Variants in PPARGC1A observed in about 807,000 individuals in gnomAD.
PPARGC1A encodes PPARG coactivator 1 alpha.
In PPARGC1A, 25 loss-of-function variants were observed where a neutral mutation model predicts 88.7. The ratio of observed to expected loss-of-function variants is 0.28; its 90% CI spans 0.21 to 0.39. PPARGC1A has a LOEUF of 0.39. Ranked by LOEUF, PPARGC1A falls within the 10% of genes least tolerant of loss-of-function variation. PPARGC1A has a pLI of 1.00. For synonymous variants in PPARGC1A, 363 were observed against 355.6 expected, an observed-to-expected ratio of 1.02 and a Z score of -0.24; for missense variants, 880 against 968.7, an observed-to-expected ratio of 0.91 and a Z score of 1.22.
the PPARGC1A span, among the ~76,000 whole-genome samples, chr4:24,305,639 C>G: frequency 6.6e-6 from 1 of 152,012 alleles, no homozygotes; most frequent in Non-Finnish European, 1.5e-5. Context: ...ATGGAGACAC[C>G]CTATCTCTAC....
At chr4:24,045,882 T>C in the PPARGC1A span, among the ~76,000 whole-genome samples, 1 of 152,112 alleles carries the variant, frequency 6.6e-6, no homozygotes, top group African/African-American at 2.4e-5. Context: ...CTACATCACA[T>C]AGCCCAATCA....
At chr4:24,028,634 GCTC>G in the PPARGC1A span, among the ~76,000 whole-genome samples, 2 of 152,228 alleles carry the variant, frequency 1.3e-5, no homozygotes, top group South Asian at 4.1e-4. Flanking sequence ...TGCAATACTG[GCTC>G]CTCATCTCAC....
the PPARGC1A span, among the ~76,000 whole-genome samples, chr4:24,359,310 C>A: frequency 6.6e-6 from 1 of 152,336 alleles, no homozygotes; most frequent in South Asian, 2.1e-4. Context: ...CTCTTCAGAA[C>A]ATACACACTT....
chr4:24,186,063 T>C, the PPARGC1A span, among the ~76,000 whole-genome samples: 1 of 152,148 alleles, frequency 6.6e-6, no homozygotes, highest in African/African-American at 2.4e-5. Context: ...TGAATGTTCA[T>C]GAATTTGTGG....
chr4:23,813,081 T>C lies in PPARGC1A; in HGVS notation c.1838A>G (p.His613Arg), dbSNP rs781513430. 6.8e-6 allele frequency: 11 copies of C among 1,614,074 alleles called. No homozygotes were observed. Among genetic ancestry groups the C allele is most frequent in the Non-Finnish European group, 9.3e-6 (11 of 1,179,966 alleles). ...YESSHYRHRTHRNSPLYVRSR... is the reference protein window; with the variant it reads ...YESSHYRHRTRRNSPLYVRSR... ...TCTCACATACAAGGGAGAATTTCGG[T>C]GCGTGCGGTGTCTGTAGTGGCTTGA... The change falls in exon 9 of 13, where the codon CAC becomes CGC. Residue 613 changes from histidine to arginine, a missense_variant. Physicochemically the swap from His to Arg is conservative, Grantham distance 29 (BLOSUM62 0). Coordinates refer to ENST00000264867, the MANE Select transcript of PPARGC1A (RefSeq NM_013261.5).
chr4:24,304,297 C>G, the PPARGC1A span, among the ~76,000 whole-genome samples: 5 of 152,184 alleles, frequency 3.3e-5, no homozygotes, highest in African/African-American at 7.2e-5. Context: ...GGCCCCCAGA[C>G]TTGTTATAAC....
the PPARGC1A span, among the ~76,000 whole-genome samples, chr4:23,981,919 C>G: frequency 1.9e-4 from 29 of 151,734 alleles, 1 homozygote; most frequent in East Asian, 5.7e-3. Flanking sequence ...GTAACTGAAT[C>G]GAAGAAAAGA....
At chr4:23,910,645 G>A in the PPARGC1A span, among the ~76,000 whole-genome samples, 537 of 150,214 alleles carry the variant, frequency 3.6e-3, 3 homozygotes, top group Admixed American at 6.5e-3. Context: ...TCACCATATT[G>A]GCCATGCTGG....
At chr4:24,043,161 T>A in the PPARGC1A span, among the ~76,000 whole-genome samples, 1 of 152,270 alleles carries the variant, frequency 6.6e-6, no homozygotes, top group Middle Eastern at 3.4e-3. Flanking sequence ...TTGTTTAATC[T>A]TGAAAGAATA....
chr4:24,237,202 C>T, the PPARGC1A span, among the ~76,000 whole-genome samples: 2 of 151,782 alleles, frequency 1.3e-5, no homozygotes, highest in African/African-American at 4.8e-5. Context: ...AATTATCTAA[C>T]ACTTCATTGT....
At chr4:23,802,433 A>C in intron 10 of PPARGC1A, 88 bp from the exon 11 acceptor site, 2 of 1,516,914 alleles carry the variant, frequency 1.3e-6, no homozygotes, top group Non-Finnish European at 1.8e-6. Flanking sequence ...TAATCCCAGC[A>C]CTTTGGGAGG....
intron 7 of PPARGC1A, 62 bp from the exon 8 acceptor site, chr4:23,814,667 T>G: frequency 7.3e-7 from 1 of 1,365,524 alleles, no homozygotes; most frequent in Non-Finnish European, 9.8e-7. Flanking sequence ...AGAGATAATG[T>G]TCTTAAATGC....
the PPARGC1A span, among the ~76,000 whole-genome samples, chr4:24,088,810 T>A: frequency 6.6e-6 from 1 of 152,178 alleles, no homozygotes; most frequent in South Asian, 2.1e-4. Flanking sequence ...ATGGGATAAA[T>A]AATGAGATAA....
the PPARGC1A span, among the ~76,000 whole-genome samples, chr4:23,983,555 G>A: frequency 6.6e-6 from 1 of 152,060 alleles, no homozygotes; most frequent in Non-Finnish European, 1.5e-5. Context: ...TATACATATG[G>A]CCAAAATATG....
chr4:23,913,959 C>A, the PPARGC1A span, among the ~76,000 whole-genome samples: 1 of 152,060 alleles, frequency 6.6e-6, no homozygotes, highest in Non-Finnish European at 1.5e-5. Context: ...TTGAAGCACT[C>A]GCAGAGTAGT....
the PPARGC1A span, among the ~76,000 whole-genome samples, chr4:24,019,261 C>T: frequency 2.0e-5 from 3 of 152,114 alleles, no homozygotes; most frequent in Non-Finnish European, 2.9e-5. Flanking sequence ...CTAAAAACAG[C>T]ACCAGCAATA....
chr4:24,083,743 C>A, the PPARGC1A span, among the ~76,000 whole-genome samples: 9 of 152,196 alleles, frequency 5.9e-5, no homozygotes, highest in Non-Finnish European at 1.2e-4. Flanking sequence ...ATCCCACATG[C>A]TTCTTCTGCT....
chr4:24,435,063 G>A, the PPARGC1A span, among the ~76,000 whole-genome samples: 26 of 152,256 alleles, frequency 1.7e-4, no homozygotes, highest in East Asian at 7.7e-4. Context: ...ACTGTCTGTC[G>A]TAAGGTTGGC....
At chr4:24,032,376 A>G in the PPARGC1A span, among the ~76,000 whole-genome samples, 1 of 152,104 alleles carries the variant, frequency 6.6e-6, no homozygotes, top group Non-Finnish European at 1.5e-5. Context: ...TGGCTTATGG[A>G]GCCTCTTGCC....
Sources: gnomAD v4.1 joint callset for allele counts (sites outside exome capture counted in the v4.1 genomes callset) on GRCh38, gnomAD v4.1.1 for gene constraint, MANE v1.5 for transcripts, NCBI Gene and HGNC (gene_info 2026-07-23, HGNC 2026-07-21) for gene names.